Variants in ADAMTS19 observed in about 807,000 individuals in gnomAD.
The protein encoded by ADAMTS19 is ADAM metallopeptidase with thrombospondin type 1 motif 19.
In ADAMTS19, 93 loss-of-function variants were observed where a neutral mutation model predicts 153.3. The observed-to-expected ratio is 0.61, with a 90% CI of 0.51 to 0.72. The LOEUF (loss-of-function observed/expected upper bound fraction) is 0.72. ADAMTS19 is among the 30% of genes least tolerant of loss of function. The pLI is 0.00. For missense variants in ADAMTS19, 1,482 were observed against 1,552.1 expected (o/e 0.95, Z 0.76); for synonymous variants, 600 against 556.6 (o/e 1.08, Z -1.10).
chr5:129,512,621 G>A (rs1422261122), intron 3 of ADAMTS19, among the ~76,000 whole-genome samples: 4 of 152,050 alleles, frequency 2.6e-5, no homozygotes, highest in African/African-American at 7.2e-5. Context: ...AATCTTCCAG[G>A]TAGCCTATTT....
intron 10 of ADAMTS19, among the ~76,000 whole-genome samples, chr5:129,633,709 A>T (rs68098683): frequency 0.06 from 9,093 of 152,206 alleles, 438 homozygotes; most frequent in African/African-American, 0.14. Flanking sequence ...ACAGGCAATT[A>T]TATTAATTAG....
At chr5:129,642,111 C>T (rs924569486) in intron 11 of ADAMTS19, 151 bp downstream of exon 11, 4 of 419,306 alleles carry the variant, frequency 9.5e-6, no homozygotes, top group African/African-American at 2.1e-5. Flanking sequence ...TCAGTTTTAA[C>T]ATTTATACTT....
rs146666632 is a variant in ADAMTS19 at position 129,721,993 on chromosome 5, A to G, written c.3313-12939A>G. On this transcript the variant is annotated intron_variant, in intron 21 of 22. Transcript: ENST00000274487. ...ATATGTACAATATTTTCTTTATCCAATCTATCACTGATACACATTTGGGTT... is the reference window on the plus strand; with the variant it reads ...ATATGTACAATATTTTCTTTATCCAGTCTATCACTGATACACATTTGGGTT... Among the ~76,000 whole-genome samples the G allele has an allele frequency of 9.6e-3, 1,468 of 152,154 alleles. 15 individuals carry two copies. The highest frequency in any genetic ancestry group is 0.014 in the Non-Finnish European group (950 of 68,002).
chr5:129,533,921 A>T (rs1215240025), intron 6 of ADAMTS19, among the ~76,000 whole-genome samples: 1 of 152,044 alleles, frequency 6.6e-6, no homozygotes, highest in Non-Finnish European at 1.5e-5. Context: ...TGAGTTTCTT[A>T]ATCCTGAGTT....
chr5:129,563,647 A>G (rs569418125), intron 7 of ADAMTS19, among the ~76,000 whole-genome samples: 1 of 152,330 alleles, frequency 6.6e-6, no homozygotes, highest in Non-Finnish European at 1.5e-5. Flanking sequence ...CTTTTATAAA[A>G]AATATTTTTT....
intron 7 of ADAMTS19, among the ~76,000 whole-genome samples, chr5:129,563,307 C>A (rs1177178973): frequency 6.6e-6 from 1 of 151,836 alleles, no homozygotes; most frequent in East Asian, 1.9e-4. Context: ...TACTTCAATA[C>A]CTTTTATGAT....
rs267600341 is a variant in ADAMTS19, at chr5:129,704,372, G to A, written c.3293G>A (p.Arg1098Gln). 38 of 1,613,898 alleles carry A rather than the reference G, an allele frequency of 2.4e-5. No individual in the cohort carries two copies. Among genetic ancestry groups the A allele is most frequent in the Middle Eastern group, 3.3e-4 (2 of 6,058 alleles). The change falls in exon 21 of 23, where the codon CGA (arginine) becomes CAA (glutamine). Residue 1098 changes from arginine to glutamine, a missense_variant. Transcript: ENST00000274487. ...GATTATTCAAAATGCTATGTGTGGC[G>A]AATGGGTGACTGGTCTAAGGTGAGA... ...CEDYSKCYVW[R>Q]MGDWSKCSIT...
chr5:129,509,333 C>T (rs1403961075), intron 3 of ADAMTS19, 91 bp downstream of exon 3: 6 of 1,162,554 alleles, frequency 5.2e-6, no homozygotes, highest in African/African-American at 4.9e-5. Context: ...ACTAGCTTTA[C>T]TTATTTTTAA....
intron 2 of ADAMTS19, among the ~76,000 whole-genome samples, chr5:129,485,795 T>C (rs1750569599): frequency 6.6e-6 from 1 of 152,078 alleles, no homozygotes; most frequent in Non-Finnish European, 1.5e-5. Context: ...TGTTCATTTA[T>C]TTATTTATTT....
chr5:129,461,557 T>C lies in ADAMTS19; in HGVS notation c.547T>C (p.Tyr183His). 2 of 1,548,084 alleles carry C rather than the reference T, an allele frequency of 1.3e-6. No homozygotes were observed. The highest frequency in any genetic ancestry group is 2.4e-5 in the East Asian group (1 of 40,848). The stretch of plus-strand genomic sequence containing the variant: ...GATCCCGGCCTTCTCTCGGGACCTG[T>C]ACCTGCTGCTCCGGAGAGACGGCCG... ...LRIPAFSRDLYLLLRRDGRFL... is the reference protein window; with the variant it reads ...LRIPAFSRDLHLLLRRDGRFL... Residue 183 changes from tyrosine (Y) to histidine (H), a missense_variant, in exon 2 of 23, where the codon TAC becomes CAC. By Grantham distance (83) the Tyr-to-His change is moderately conservative. Around this residue, in one of 2 missense-constraint regions of ADAMTS19, gnomAD observed 866 missense variants for 827.7 expected, o/e 1.05. Coordinates refer to ENST00000274487, the MANE Select transcript of ADAMTS19 (RefSeq NM_133638.6). The surrounding 1 kb of genome is among the most constrained non-coding windows in gnomAD (Gnocchi z 4.6).
At chr5:129,631,226 C>T (rs550361679) in intron 10 of ADAMTS19, among the ~76,000 whole-genome samples, 71 of 147,310 alleles carry the variant, frequency 4.8e-4, no homozygotes, top group African/African-American at 1.8e-3. Flanking sequence ...CTTTCCACTC[C>T]TAGATCCAAA....
chr5:129,577,266 C>T (rs1351367385), intron 7 of ADAMTS19, among the ~76,000 whole-genome samples: 1 of 152,054 alleles, frequency 6.6e-6, no homozygotes, highest in Admixed American at 6.6e-5. Flanking sequence ...AATTTATTCA[C>T]CTAAATATTT....
chr5:129,525,884 T>C (rs2126761443), intron 3 of ADAMTS19, among the ~76,000 whole-genome samples: 1 of 152,160 alleles, frequency 6.6e-6, no homozygotes, highest in South Asian at 2.1e-4. Context: ...TTCTTTCAAC[T>C]AACAAGACCT....
chr5:129,707,486 C>G (rs562966918), intron 21 of ADAMTS19, among the ~76,000 whole-genome samples: 151 of 152,268 alleles, frequency 9.9e-4, no homozygotes, highest in African/African-American at 3.5e-3. Flanking sequence ...ACCAGTGGCT[C>G]CACGTGAATT....
chr5:129,516,046 T>A (rs1751594532), intron 3 of ADAMTS19, among the ~76,000 whole-genome samples: 1 of 151,926 alleles, frequency 6.6e-6, no homozygotes, highest in Admixed American at 6.6e-5. Context: ...GACATGATCA[T>A]ATGGTTTTCT....
chr5:129,595,213 G>T (rs1358050640), intron 7 of ADAMTS19, among the ~76,000 whole-genome samples: 1 of 152,086 alleles, frequency 6.6e-6, no homozygotes, highest in African/African-American at 2.4e-5. Flanking sequence ...GAGAACTTCA[G>T]ATATACTTTC....
chr5:129,714,166 T>A (rs1219732935), intron 21 of ADAMTS19, among the ~76,000 whole-genome samples: 4 of 152,078 alleles, frequency 2.6e-5, no homozygotes, highest in Non-Finnish European at 4.4e-5. Flanking sequence ...ACGCCTGTAA[T>A]CCCAGCACTT....
At chr5:129,514,073 A>G (rs1183321921) in intron 3 of ADAMTS19, among the ~76,000 whole-genome samples, 1 of 152,100 alleles carries the variant, frequency 6.6e-6, no homozygotes, top group Non-Finnish European at 1.5e-5. Context: ...TCTTTCACTT[A>G]ACATAATGAT....
chr5:129,589,645 G>A (rs1225733465), intron 7 of ADAMTS19, among the ~76,000 whole-genome samples: 4 of 152,096 alleles, frequency 2.6e-5, no homozygotes, highest in Non-Finnish European at 5.9e-5. Context: ...TGGTGGCCCA[G>A]TAAATGTGAA....
Sources: gnomAD v4.1 joint callset for allele counts (sites outside exome capture counted in the v4.1 genomes callset) on GRCh38, gnomAD v4.1.1 for gene constraint, gnomAD v4.1.1 regional missense constraint, Gnocchi (gnomAD v3.1) non-coding constraint, MANE v1.5 for transcripts, NCBI Gene and HGNC (gene_info 2026-07-23, HGNC 2026-07-21) for gene names.